The following RNF180 variants were observed in gnomAD, a reference collection of about 807,000 sequenced individuals.
RNF180 encodes the protein E3 ubiquitin-protein ligase RNF180.
Under a neutral mutation model 59.2 loss-of-function variants are expected in RNF180, and 38 were observed. That is an observed-to-expected ratio of 0.64 (90% CI 0.50 to 0.84). The LOEUF is 0.84. RNF180 is among the 40% of genes least tolerant of loss of function. The probability of loss-of-function intolerance (pLI) is 0.00; values close to 1 mark genes in which losing one functional copy is unlikely to be tolerated. For missense variants in RNF180, 705 were observed against 700.9 expected, an observed-to-expected ratio of 1.01 and a Z score of -0.07; for synonymous variants, 262 against 240.3, an observed-to-expected ratio of 1.09 and a Z score of -0.84.
chr5:64,194,518 C>A (rs1040230859), intron 1 of RNF180, among the ~76,000 whole-genome samples: 1 of 152,022 alleles, frequency 6.6e-6, no homozygotes, highest in South Asian at 2.1e-4. Context: ...GGATATATAC[C>A]CAGTAATGGG....
intron 1 of RNF180, among the ~76,000 whole-genome samples, chr5:64,173,301 A>G (rs1750043508): frequency 6.6e-6 from 1 of 152,146 alleles, no homozygotes; most frequent in Non-Finnish European, 1.5e-5. Context: ...TTGTTGTCAT[A>G]TTTTTGTAAA....
intron 5 of RNF180, among the ~76,000 whole-genome samples, chr5:64,307,807 A>G (rs541840714): frequency 6.6e-6 from 1 of 151,812 alleles, no homozygotes; most frequent in East Asian, 1.9e-4. Context: ...GAATGGTTGC[A>G]TGGGGACTTG....
chr5:64,345,260 A>T (rs1745511844), intron 7 of RNF180, among the ~76,000 whole-genome samples: 1 of 152,098 alleles, frequency 6.6e-6, no homozygotes, highest in South Asian at 2.1e-4. Flanking sequence ...TTACTTATAT[A>T]TGAAGGGTGC....
intron 5 of RNF180, among the ~76,000 whole-genome samples, chr5:64,301,739 GGTT>G (rs1456399323): frequency 4.7e-5 from 7 of 148,954 alleles, no homozygotes; most frequent in African/African-American, 1.8e-4. Context: ...TTTTCAGTCT[GGTT>G]GTTATAAGTC....
chr5:64,299,405 C>T (rs1286179208), intron 5 of RNF180, among the ~76,000 whole-genome samples: 3 of 151,890 alleles, frequency 2.0e-5, no homozygotes, highest in African/African-American at 4.8e-5. Context: ...TACAAATAGA[C>T]ACCAGTTAAA....
intron 7 of RNF180, among the ~76,000 whole-genome samples, chr5:64,353,228 CTGTT>C: frequency 6.6e-6 from 1 of 151,750 alleles, no homozygotes; most frequent in Non-Finnish European, 1.5e-5. Flanking sequence ...AAAACCTTTT[CTGTT>C]TATTACAGAA....
chr5:64,173,994 G>A (rs1031192326), intron 1 of RNF180, among the ~76,000 whole-genome samples: 1 of 152,102 alleles, frequency 6.6e-6, no homozygotes, highest in Non-Finnish European at 1.5e-5. Context: ...GATTACAGGC[G>A]TGAGCCACCA....
intron 5 of RNF180, among the ~76,000 whole-genome samples, chr5:64,234,737 C>A (rs1580073843): frequency 6.7e-6 from 1 of 149,978 alleles, no homozygotes; most frequent in African/African-American, 2.4e-5. Flanking sequence ...GTAGCTGGGA[C>A]TACAGGCGCC....
chr5:64,344,532 A>AAG (rs1451302262), intron 7 of RNF180, among the ~76,000 whole-genome samples: 4 of 151,934 alleles, frequency 2.6e-5, no homozygotes, highest in African/African-American at 9.7e-5. Context: ...GCTAGAAAAA[A>AAG]AAACACACAC....
At chr5:64,303,770 A>G (rs1393644588) in intron 5 of RNF180, among the ~76,000 whole-genome samples, 2 of 151,676 alleles carry the variant, frequency 1.3e-5, no homozygotes, top group Non-Finnish European at 1.5e-5. Context: ...AGCTGCACCA[A>G]GTTATCTAGA....
chr5:64,309,589 G>C (rs62369368), intron 5 of RNF180, among the ~76,000 whole-genome samples: 11,125 of 151,274 alleles, frequency 0.074, 588 homozygotes, highest in Non-Finnish European at 0.11. Context: ...TTCTAATATT[G>C]TGGTGTGTTT....
intron 7 of RNF180, among the ~76,000 whole-genome samples, chr5:64,331,540 T>C (rs1302129289): frequency 6.6e-6 from 1 of 152,102 alleles, no homozygotes; most frequent in African/African-American, 2.4e-5. Context: ...CTGAGGGCTG[T>C]AGAGACAGCG....
At chr5:64,353,210 C>A (rs1182552638) in intron 7 of RNF180, among the ~76,000 whole-genome samples, 1 of 151,402 alleles carries the variant, frequency 6.6e-6, no homozygotes, top group African/African-American at 2.4e-5. Flanking sequence ...TCCATATTAA[C>A]AGAAGAAAAA....
intron 7 of RNF180, among the ~76,000 whole-genome samples, chr5:64,344,673 C>CT (rs1329127595): frequency 6.6e-6 from 1 of 152,090 alleles, no homozygotes. Flanking sequence ...TTCTTTTCCC[C>CT]TTCACTTCTA....
At chr5:64,219,493 G>C (rs1163331404) in intron 5 of RNF180, among the ~76,000 whole-genome samples, 1 of 151,488 alleles carries the variant, frequency 6.6e-6, no homozygotes, top group Non-Finnish European at 1.5e-5. Context: ...TCTTTTTTTT[G>C]TTTTCTGGAA....
chr5:64,242,520 A>G (rs1019943117), intron 5 of RNF180, among the ~76,000 whole-genome samples: 2 of 152,222 alleles, frequency 1.3e-5, no homozygotes, highest in Non-Finnish European at 2.9e-5. Flanking sequence ...CCAGGACGAG[A>G]AATGTAATAA....
chr5:64,225,211 T>C (rs1308188359), intron 5 of RNF180, among the ~76,000 whole-genome samples: 1 of 152,256 alleles, frequency 6.6e-6, no homozygotes, highest in Non-Finnish European at 1.5e-5. Context: ...TGAATAGAAC[T>C]AGGTGATGGC....
At chr5:64,353,461 GA>G (rs1745895221) in intron 7 of RNF180, among the ~76,000 whole-genome samples, 1 of 151,590 alleles carries the variant, frequency 6.6e-6, no homozygotes, top group Non-Finnish European at 1.5e-5. Context: ...CTTTTTAATA[GA>G]AAAATTGCCT....
chr5:64,208,864 CAAAT>C (rs1752162019), intron 2 of RNF180, among the ~76,000 whole-genome samples: 2 of 151,718 alleles, frequency 1.3e-5, no homozygotes, highest in African/African-American at 2.4e-5. Flanking sequence ...TATTTTTTCT[CAAAT>C]GAAGGAGGTT....
Sources: allele counts gnomAD v4.1 joint callset (sites outside exome capture counted in the v4.1 genomes callset), GRCh38; gene constraint gnomAD v4.1.1; transcripts MANE v1.5; gene names NCBI Gene and HGNC (gene_info 2026-07-23, HGNC 2026-07-21).